IL7R: variants seen among roughly 807,000 people sequenced by gnomAD.
IL7R encodes interleukin 7 receptor, also known as interleukin-7 receptor subunit alpha.
In IL7R, 38 loss-of-function variants were observed where a neutral mutation model predicts 47.0. That is an observed-to-expected ratio of 0.81 (90% CI 0.62 to 1.06). The LOEUF is 1.06. IL7R is among the 50% of genes least tolerant of loss of function. The pLI, the probability that IL7R is intolerant of heterozygous loss-of-function variation, is 0.00. For synonymous variants in IL7R, 221 were observed against 199.8 expected (o/e 1.11, Z -0.89); for missense variants, 633 against 534.8 (o/e 1.18, Z -1.81).
At chr5:35,875,739 G>A in intron 7 of IL7R, 152 bp downstream of exon 7, 2 of 780,234 alleles carry the variant, frequency 2.6e-6, no homozygotes, top group Non-Finnish European at 4.5e-6. Context: ...CTGCAGTAGG[G>A]AACTGAAATA....
In IL7R at chr5:35,867,254, C is replaced by T. The variant is rs549933503; in HGVS notation, c.222-52C>T. 9 of 1,501,626 alleles carry T rather than the reference C, an allele frequency of 6.0e-6. No homozygotes were observed. The South Asian group carries it at 1.0e-4, about 17-fold the overall frequency. The allele number at this position is 1,501,626 out of a possible 1,614,324, so 93.0% of individuals were successfully genotyped here. On this transcript the variant is annotated intron_variant, in intron 2 of 7. Coordinates refer to ENST00000303115, the MANE Select transcript of IL7R (RefSeq NM_002185.5). ...ATGTGCATATGATACTATTCCACTG[C>T]ATACAGGAACTCCTACCTGAATCAA... is the stretch of plus-strand genomic sequence containing the variant.
Position 35,867,384 on chromosome 5 carries a change from A to T in IL7R, c.300A>T (p.Leu100Phe), listed in dbSNP as rs771757728. ...EIYFIETKKF[L>F]LIGKSNICVK... ...ATTTCATCGAGACAAAGAAATTCTT[A>T]CTGATTGGAAAGAGCAATATATGTG... The change falls in exon 3 of 8, where the codon TTA (leucine) becomes TTT (phenylalanine). Residue 100 changes from leucine (L) to phenylalanine (F), a missense_variant. Physicochemically the swap from Leu to Phe is conservative, Grantham distance 22. Transcript: ENST00000303115. 5 of 1,613,454 alleles carry T rather than the reference A, an allele frequency of 3.1e-6. No homozygotes were observed. The highest frequency in any genetic ancestry group is 3.4e-6 in the Non-Finnish European group (4 of 1,179,412).
At chr5:35,860,199 G>T (rs770341936) in intron 1 of IL7R, among the ~76,000 whole-genome samples, 1 of 152,070 alleles carries the variant, frequency 6.6e-6, no homozygotes, top group Non-Finnish European at 1.5e-5. Flanking sequence ...TCACCAAATC[G>T]GAGTCCTGCC....
chr5:35,867,540 T>C, intron 3 of IL7R, 77 bp downstream of exon 3: 1 of 1,167,578 alleles, frequency 8.6e-7, no homozygotes, highest in Non-Finnish European at 1.3e-6. Flanking sequence ...TTCTGTAGGT[T>C]AAAAGTAGAC....
intron 3 of IL7R, 65 bp downstream of exon 3, chr5:35,867,528 C>A: frequency 1.5e-6 from 2 of 1,299,480 alleles, no homozygotes; most frequent in Non-Finnish European, 2.2e-6. Flanking sequence ...TGTGTCTGGA[C>A]ATTCTGTAGG....
At position 35,878,329 on chromosome 5, in the gene IL7R, T is replaced by A. The variant is rs140174728; in HGVS notation, c.*1843T>A. ...AGGCATTTATGGAAAGCCTGCTACA[T>A]GTCAATCATACTGTTAGGCACAGGG... On this transcript the variant is annotated 3_prime_UTR_variant, in exon 8 of 8. Coordinates refer to ENST00000303115, the MANE Select transcript of IL7R (RefSeq NM_002185.5). 8.6e-6 allele frequency: 2 copies of A among 233,258 alleles called. No individual in the cohort carries two copies. Among genetic ancestry groups the A allele is most frequent in the Non-Finnish European group, 1.7e-5 (2 of 118,024 alleles). 14.4% of individuals were successfully genotyped at this position (233,258 alleles called of 1,614,324 possible).
At chr5:35,874,318 T>C in intron 5 of IL7R, 131 bp from the exon 6 acceptor site, 1 of 768,434 alleles carries the variant, frequency 1.3e-6, no homozygotes, top group Non-Finnish European at 2.4e-6. Context: ...CAAATATGTC[T>C]CTTAACTGAA....
intron 2 of IL7R, among the ~76,000 whole-genome samples, chr5:35,864,029 T>C (rs1759882117): frequency 6.6e-6 from 1 of 152,132 alleles, no homozygotes; most frequent in Non-Finnish European, 1.5e-5. Flanking sequence ...ATGCTTCATG[T>C]TCCTTTCCAG....
intron 2 of IL7R, among the ~76,000 whole-genome samples, chr5:35,866,715 T>TAATAAGTATAG (rs1221375343): frequency 6.6e-6 from 1 of 152,162 alleles, no homozygotes; most frequent in Non-Finnish European, 1.5e-5. Flanking sequence ...ATTATACTTT[T>TAATAAGTATAG]AACATCTGCA....
chr5:35,866,837 T>C (rs1394282171), intron 2 of IL7R, among the ~76,000 whole-genome samples: 1 of 152,112 alleles, frequency 6.6e-6, no homozygotes, highest in African/African-American at 2.4e-5. Flanking sequence ...TAAAAATCCA[T>C]TACGTTACCC....
At position 35,872,108 on chromosome 5, in the gene IL7R, T is replaced by A. The variant is rs888818167; in HGVS notation, c.537+895T>A. On this transcript the variant is annotated intron_variant, in intron 4 of 7. Transcript: ENST00000303115. ...ATTATTCATCTGAAAATTGCACCAA[T>A]TGAAAAGCAACTTAGTGGAGAAAGG... Among the ~76,000 whole-genome samples the A allele has an allele frequency of 3.9e-5, 6 of 152,246 alleles. 1 individual carries two copies. In the South Asian group the frequency reaches 1.2e-3, roughly 32 times the overall value.
chr5:35,875,088 T>C (rs558850166), intron 6 of IL7R, among the ~76,000 whole-genome samples: 54 of 152,270 alleles, frequency 3.5e-4, no homozygotes, highest in Non-Finnish European at 6.5e-4. Flanking sequence ...TTGAAAATAT[T>C]CCCCCACTTC....
At position 35,879,142 on chromosome 5, in the gene IL7R, T is replaced by A. The variant is rs1179926920; in HGVS notation, c.*2656T>A. 1 of 232,926 alleles carries A rather than the reference T, an allele frequency of 4.3e-6. No homozygotes were observed. Among genetic ancestry groups the A allele is most frequent in the Non-Finnish European group, 8.5e-6 (1 of 117,936 alleles). 14.4% of individuals were successfully genotyped at this position (232,926 alleles called of 1,614,324 possible). A position where few individuals can be genotyped will look rare whatever the true frequency, so the allele number is the denominator to read the frequency against. ...TTAATCAGAAGTGTAAACTGCCAGT[T>A]CTATATAGCATGAAATGAAAAGACA... On this transcript the variant is annotated 3_prime_UTR_variant, in exon 8 of 8. Transcript: ENST00000303115.
chr5:35,875,640 A>G (rs749310460), intron 7 of IL7R, 53 bp downstream of exon 7: 4 of 1,278,866 alleles, frequency 3.1e-6, no homozygotes, highest in Non-Finnish European at 4.6e-6. Flanking sequence ...CCCAGTGGCC[A>G]AGAATGATAT....
chr5:35,867,234 C>T, intron 2 of IL7R, 72 bp from the exon 3 acceptor site: 1 of 1,318,874 alleles, frequency 7.6e-7, no homozygotes, highest in South Asian at 1.2e-5. Context: ...CATCAATGTG[C>T]ATATGATACT....
intron 2 of IL7R, among the ~76,000 whole-genome samples, chr5:35,862,536 G>A (rs1580853308): frequency 6.6e-6 from 1 of 152,112 alleles, no homozygotes; most frequent in African/African-American, 2.4e-5. Context: ...GAAAGGGACT[G>A]CCTTAAGAAA....
In IL7R at chr5:35,875,912, T is replaced by C. The variant is rs930848276; in HGVS notation, c.877-71T>C. 1.1e-5 allele frequency: 17 copies of C among 1,522,068 alleles called. No individual in the cohort carries two copies. In the Admixed American group the frequency reaches 1.3e-4, roughly 12 times the overall value. 94.3% of individuals were successfully genotyped at this position (1,522,068 alleles called of 1,614,324 possible). The stretch of plus-strand genomic sequence containing the variant: ...CTGTCAGAAAACTCTATAGACCTAC[T>C]CCTGAACTGAACATTTGATGGTGTG... On this transcript the variant is annotated intron_variant, in intron 7 of 7. Transcript: ENST00000303115.
intron 2 of IL7R, among the ~76,000 whole-genome samples, chr5:35,865,810 T>A (rs987227650): frequency 1.3e-5 from 2 of 152,092 alleles, no homozygotes; most frequent in African/African-American, 4.8e-5. Context: ...GAACAGACAC[T>A]TCTCAAAAGA....
chr5:35,862,348 T>C (rs548672045), intron 2 of IL7R, among the ~76,000 whole-genome samples: 1 of 152,296 alleles, frequency 6.6e-6, no homozygotes, highest in Non-Finnish European at 1.5e-5. Flanking sequence ...CTGGTTTCTC[T>C]TGGCCAAGCT....
Sources: allele counts gnomAD v4.1 joint callset (sites outside exome capture counted in the v4.1 genomes callset), GRCh38; gene constraint gnomAD v4.1.1; transcripts MANE v1.5; gene names NCBI Gene and HGNC (gene_info 2026-07-23, HGNC 2026-07-21).